PKD1L3: variants seen among roughly 807,000 people sequenced by gnomAD.
PKD1L3 encodes the protein polycystin-1-like protein 3.
PKD1L3 carries 239 observed loss-of-function variants against 184.1 expected under a neutral mutation model. The observed-to-expected ratio is 1.30, with a 90% CI of 1.17 to 1.45. The LOEUF is 1.45. Among genes scored for constraint, PKD1L3 ranks in the 40% most tolerant of loss-of-function variants. The pLI, the probability that PKD1L3 is intolerant of heterozygous loss-of-function variation, is 0.00. For synonymous variants in PKD1L3, 996 were observed against 778.8 expected (o/e 1.28, Z -4.64); for missense variants, 2,660 against 2,067.2 (o/e 1.29, Z -5.56).
intron 15 of PKD1L3, 97 bp downstream of exon 15, chr16:71,967,040 G>C: frequency 1.5e-6 from 2 of 1,293,538 alleles, no homozygotes; most frequent in East Asian, 2.6e-5. Context: ...GTTACTATTT[G>C]GCTCAAAGCT....
At chr16:71,967,374 A>G (rs1161917342) in intron 14 of PKD1L3, 59 bp from the exon 15 acceptor site, 2 of 1,456,480 alleles carry the variant, frequency 1.4e-6, no homozygotes, top group African/African-American at 1.4e-5. Context: ...CTTTGGGTTT[A>G]TCCCTAAGGA....
intron 28 of PKD1L3, among the ~76,000 whole-genome samples, chr16:71,931,894 C>G (rs754094325): frequency 6.6e-6 from 1 of 152,002 alleles, no homozygotes; most frequent in Non-Finnish European, 1.5e-5. Flanking sequence ...GTTGTTACAC[C>G]GGTTTGTGGT....
intron 28 of PKD1L3, chr16:71,930,646 T>G (rs2037917018): frequency 6.6e-6 from 1 of 152,394 alleles, no homozygotes; most frequent in Non-Finnish European, 1.5e-5. Flanking sequence ...AAAACTGGCT[T>G]TTTAGTATTT....
intron 21 of PKD1L3, among the ~76,000 whole-genome samples, chr16:71,948,274 G>A (rs930512468): frequency 3.3e-5 from 5 of 152,058 alleles, no homozygotes; most frequent in South Asian, 4.1e-4. Flanking sequence ...GTAGAGACAC[G>A]GTTTCGCCAT....
At chr16:71,971,362 A>G (rs1347008474) in intron 12 of PKD1L3, among the ~76,000 whole-genome samples, 1 of 152,188 alleles carries the variant, frequency 6.6e-6, no homozygotes, top group Admixed American at 6.5e-5. Flanking sequence ...CATGGAAGCT[A>G]CCAATTCTGT....
At chr16:71,954,694 G>A (rs2038979922) in intron 16 of PKD1L3, among the ~76,000 whole-genome samples, 1 of 152,084 alleles carries the variant, frequency 6.6e-6, no homozygotes, top group South Asian at 2.1e-4. Flanking sequence ...TCCAAATATG[G>A]AGGAACTATA....
chr16:71,945,266 CTATATATATATATATA>C (rs60469321), intron 22 of PKD1L3, among the ~76,000 whole-genome samples: 10 of 63,948 alleles, frequency 1.6e-4, no homozygotes, highest in African/African-American at 5.2e-4. Context: ...AATTTCTTAA[CTATATATATATATATA>C]TATATATATA....
At chr16:71,994,940 A>T (rs2040730884) in intron 2 of PKD1L3, among the ~76,000 whole-genome samples, 1 of 152,146 alleles carries the variant, frequency 6.6e-6, no homozygotes, top group Admixed American at 6.5e-5. Context: ...GTGAGCCAAG[A>T]TCACGCCATT....
chr16:71,944,925 C>T (rs2143268142), intron 22 of PKD1L3, among the ~76,000 whole-genome samples: 1 of 151,096 alleles, frequency 6.6e-6, no homozygotes, highest in African/African-American at 2.4e-5. Flanking sequence ...TCTCGAACTC[C>T]TACCTCAGGC....
At chr16:71,952,824 C>T (rs1353322550) in intron 18 of PKD1L3, 70 bp downstream of exon 18, 2 of 1,458,178 alleles carry the variant, frequency 1.4e-6, no homozygotes, top group Non-Finnish European at 1.8e-6. Flanking sequence ...TGCAACAGAG[C>T]CAGACCCTAT....
intron 3 of PKD1L3, among the ~76,000 whole-genome samples, chr16:71,992,688 G>T (rs982273245): frequency 5.9e-5 from 9 of 152,132 alleles, no homozygotes; most frequent in Non-Finnish European, 1.3e-4. Flanking sequence ...ATATTGCTAA[G>T]TGATATTTAA....
chr16:71,953,916 T>C (rs1350775286), intron 17 of PKD1L3, among the ~76,000 whole-genome samples, 189 bp downstream of exon 17: 1 of 152,022 alleles, frequency 6.6e-6, no homozygotes, highest in African/African-American at 2.4e-5. Flanking sequence ...TGGAGTTTAG[T>C]TAAAGTATTG....
Position 71,970,039 on chromosome 16 carries a change from C to G in PKD1L3, c.2020G>C (p.Asp674His). Reference protein sequence around the residue: ...LCNHLTFFASDFFVVPRTVNV... With the variant: ...LCNHLTFFASHFFVVPRTVNV... ...ACGGTCCTGGGCACGACAAAGAAGT[C>G]GCTGGCAAAGAAGGTCAGGTGGTTA... Residue 674 changes from aspartate to histidine, a missense_variant, in exon 13 of 30, where the codon GAC becomes CAC. Coordinates refer to ENST00000620267, the MANE Select transcript of PKD1L3 (RefSeq NM_181536.2). 2.6e-6 allele frequency: 4 copies of G among 1,551,648 alleles called. No homozygotes were observed. Among genetic ancestry groups the G allele is most frequent in the Non-Finnish European group, 3.5e-6 (4 of 1,147,004 alleles).
At chr16:71,974,062 A>C (rs977153943) in intron 11 of PKD1L3, among the ~76,000 whole-genome samples, 2 of 152,124 alleles carry the variant, frequency 1.3e-5, no homozygotes, top group Non-Finnish European at 2.9e-5. Flanking sequence ...TTTAGGTCTA[A>C]TGATTTAGAA....
chr16:71,988,485 G>A lies in PKD1L3; in HGVS notation c.585+1795C>T, dbSNP rs147591515. ...ATGGGGACTGCAGGCATAAGCCACCGCACCAAGCCAGCAAACGTGAAAGTT... is the reference window on the plus strand; with the variant it reads ...ATGGGGACTGCAGGCATAAGCCACCACACCAAGCCAGCAAACGTGAAAGTT... On this transcript the variant is annotated intron_variant, in intron 4 of 29. Coordinates refer to ENST00000620267, the MANE Select transcript of PKD1L3 (RefSeq NM_181536.2). Among the ~76,000 whole-genome samples, 13 of 152,284 alleles carry A rather than the reference G, an allele frequency of 8.5e-5. No homozygotes were observed. The East Asian group carries it at 1.7e-3, about 20-fold the overall frequency.
In PKD1L3 at chr16:71,979,915, A is replaced by G. The variant is rs1413029385; in HGVS notation, c.1272-3T>C. On this transcript the variant is annotated splice_polypyrimidine_tract_variant and splice_region_variant and intron_variant, in intron 8 of 29. Transcript: ENST00000620267. The stretch of plus-strand genomic sequence containing the variant: ...GCGGTAAAGTTGATATGTTTTGTCT[A>G]ATGAGAAAAGTTAAAATGGAAGTCA... The G allele has an allele frequency of 6.4e-7, 1 of 1,550,858 alleles. No individual in the cohort carries two copies. The highest frequency in any genetic ancestry group is 8.7e-7 in the Non-Finnish European group (1 of 1,146,862).
At position 71,954,128 on chromosome 16, in the gene PKD1L3, G is replaced by A. The variant is rs1411691186; in HGVS notation, c.2786C>T (p.Thr929Ile). 35 of 1,546,666 alleles carry A rather than the reference G, an allele frequency of 2.3e-5. No individual in the cohort carries two copies. The highest frequency in any genetic ancestry group is 3.0e-5 in the Non-Finnish European group (34 of 1,145,150). Reference sequence around the variant, plus strand: ...ACTTTGCTCATCTCTCTTGGCAGTGGTGCTGTTTATCTTCCAGAACATAAC... The same window carrying A: ...ACTTTGCTCATCTCTCTTGGCAGTGATGCTGTTTATCTTCCAGAACATAAC... The part of the protein sequence containing the change: ...INVMFWKINS[T>I]TAKRDEQMRP... Residue 929 changes from threonine (T) to isoleucine (I), a missense_variant, in exon 17 of 30, where the codon ACC (threonine) becomes ATC (isoleucine). Physicochemically the swap from Thr to Ile is moderately conservative, Grantham distance 89. Transcript: ENST00000620267.
In PKD1L3 at chr16:71,942,689, A is replaced by G. The variant is rs1270954993; in HGVS notation, c.4195T>C (p.Phe1399Leu). Residue 1399 changes from phenylalanine (F) to leucine (L), a missense_variant, in exon 24 of 30, where the codon TTC becomes CTC. Coordinates refer to ENST00000620267, the MANE Select transcript of PKD1L3 (RefSeq NM_181536.2). Reference protein sequence around the residue: ...GHTCGRPKSLFPGLHLRRFSY... With the variant: ...GHTCGRPKSLLPGLHLRRFSY... ...AACCTCCTTAGATGAAGTCCAGGGA[A>G]TAGGCTCTTGGGACGCCCACAGGTA... The G allele has an allele frequency of 6.4e-7, 1 of 1,551,628 alleles. No homozygotes were observed. The highest frequency in any genetic ancestry group is 8.7e-7 in the Non-Finnish European group (1 of 1,147,014).
At position 71,942,715 on chromosome 16, in the gene PKD1L3, TG is replaced by T; in HGVS notation, c.4168del (p.His1390IlefsTer15). On this transcript the variant is annotated frameshift_variant, in exon 24 of 30. Transcript: ENST00000620267. LOFTEE classifies it high-confidence loss of function. Reference sequence around the variant, plus strand: ...TAGGCTCTTGGGACGCCCACAGGTATGGCCGTTATCACAAAACGCCAGCTGA... The same window carrying T: ...TAGGCTCTTGGGACGCCCACAGGTATGCCGTTATCACAAAACGCCAGCTGA... ...EGQLAFCDNG[H>X]TCGRPKSLFP... The T allele has an allele frequency of 6.4e-7, 1 of 1,551,724 alleles. No homozygotes were observed. Among genetic ancestry groups the T allele is most frequent in the Non-Finnish European group, 8.7e-7 (1 of 1,147,006 alleles).
Sources: allele counts gnomAD v4.1 joint callset (sites outside exome capture counted in the v4.1 genomes callset), GRCh38; gene constraint gnomAD v4.1.1; transcripts MANE v1.5; gene names NCBI Gene and HGNC (gene_info 2026-07-23, HGNC 2026-07-21).